MYO5B: variants seen among roughly 807,000 people sequenced by gnomAD.
MYO5B encodes unconventional myosin-Vb.
Under a neutral mutation model 229.3 loss-of-function variants are expected in MYO5B, and 143 were observed. The ratio of observed to expected loss-of-function variants is 0.62; its 90% CI spans 0.54 to 0.72. The LOEUF is 0.72. MYO5B is among the 30% of genes least tolerant of loss of function. The pLI, the probability that MYO5B is intolerant of heterozygous loss-of-function variation, is 0.00. For synonymous variants in MYO5B, 918 were observed against 885.2 expected (o/e 1.04, Z -0.66); for missense variants, 2,321 against 2,331.0 (o/e 1.00, Z 0.09).
chr18:49,956,719 A>G (rs1250619251), intron 12 of MYO5B, among the ~76,000 whole-genome samples: 1 of 152,188 alleles, frequency 6.6e-6, no homozygotes, highest in Non-Finnish European at 1.5e-5. Context: ...CAACGCAGAG[A>G]GACCACTGAG....
At chr18:49,990,340 C>A in intron 7 of MYO5B, 99 bp downstream of exon 7, 1 of 1,012,494 alleles carries the variant, frequency 9.9e-7, no homozygotes, top group Non-Finnish European at 1.5e-6. Context: ...AGAGCCGAGA[C>A]AAGAACCCAT....
chr18:49,841,871 C>G (rs917318914), intron 34 of MYO5B, among the ~76,000 whole-genome samples: 2 of 152,174 alleles, frequency 1.3e-5, no homozygotes, highest in Admixed American at 1.3e-4. Context: ...AAGAGCATAA[C>G]AGCAAAATAG....
At chr18:50,087,146 G>A (rs1021300491) in intron 1 of MYO5B, among the ~76,000 whole-genome samples, 1 of 152,172 alleles carries the variant, frequency 6.6e-6, no homozygotes, top group Non-Finnish European at 1.5e-5. Flanking sequence ...TCAGTATTCT[G>A]CAAGATACTT....
chr18:50,091,505 T>G (rs973219262), intron 1 of MYO5B, among the ~76,000 whole-genome samples: 1 of 152,192 alleles, frequency 6.6e-6, no homozygotes, highest in African/African-American at 2.4e-5. Flanking sequence ...CCCCGAATCC[T>G]TACAACCATC....
intron 24 of MYO5B, 92 bp from the exon 25 acceptor site, chr18:49,877,974 G>A: frequency 1.3e-6 from 2 of 1,494,430 alleles, no homozygotes; most frequent in Non-Finnish European, 1.9e-6. Flanking sequence ...TTATCCTTCT[G>A]CCTAATTTGT....
At chr18:50,096,016 G>T (rs1303321917) in intron 1 of MYO5B, among the ~76,000 whole-genome samples, 1 of 152,114 alleles carries the variant, frequency 6.6e-6, no homozygotes, top group Non-Finnish European at 1.5e-5. Context: ...TGCTACCAGG[G>T]CATTCTCCCA....
intron 14 of MYO5B, among the ~76,000 whole-genome samples, chr18:49,940,828 T>A (rs2025305437): frequency 6.6e-6 from 1 of 152,194 alleles, no homozygotes; most frequent in Admixed American, 6.5e-5. Flanking sequence ...CACCTGCACA[T>A]ACGTACAAGG....
intron 18 of MYO5B, among the ~76,000 whole-genome samples, chr18:49,906,941 G>C (rs2024906547): frequency 6.6e-6 from 1 of 152,190 alleles, no homozygotes. Flanking sequence ...AAAACAAACT[G>C]GTGGCTGGTG....
intron 1 of MYO5B, among the ~76,000 whole-genome samples, chr18:50,184,250 T>A (rs2033116072): frequency 6.6e-6 from 1 of 151,808 alleles, no homozygotes; most frequent in Non-Finnish European, 1.5e-5. Context: ...TGGGGCTGGG[T>A]GTGGTAGTGG....
intron 14 of MYO5B, among the ~76,000 whole-genome samples, chr18:49,943,570 A>G (rs2025339910): frequency 6.6e-6 from 1 of 152,218 alleles, no homozygotes; most frequent in Admixed American, 6.5e-5. Context: ...AGTAAATACT[A>G]GGTCACTGAC....
intron 2 of MYO5B, among the ~76,000 whole-genome samples, chr18:50,040,763 T>C (rs1412990917): frequency 6.6e-6 from 1 of 152,180 alleles, no homozygotes; most frequent in Non-Finnish European, 1.5e-5. Context: ...GGCCTCAAGT[T>C]GAACCATTTG....
chr18:50,115,747 C>T (rs2031950719), intron 1 of MYO5B, among the ~76,000 whole-genome samples: 1 of 149,576 alleles, frequency 6.7e-6, no homozygotes. Context: ...GATATCTGGC[C>T]TCATATGTTA....
At chr18:49,936,638 G>A (rs1021794859) in intron 15 of MYO5B, among the ~76,000 whole-genome samples, 1 of 152,078 alleles carries the variant, frequency 6.6e-6, no homozygotes, top group Non-Finnish European at 1.5e-5. Context: ...ATGAAAGGTG[G>A]GCAAATACTG....
chr18:50,096,103 A>G (rs2031544778), intron 1 of MYO5B, among the ~76,000 whole-genome samples: 1 of 152,178 alleles, frequency 6.6e-6, no homozygotes, highest in Non-Finnish European at 1.5e-5. Flanking sequence ...CAAATCATTT[A>G]CTGTCCAAAC....
In MYO5B at chr18:49,849,769, T is replaced by A. The variant is rs2024176308; in HGVS notation, c.4222-109A>T. ...GACCAGTGCGGCCCATGGGCAGCCG[T>A]CAGAAATGCGCCAGTCAGGGACGCT... On this transcript the variant is annotated intron_variant, in intron 31 of 39. Coordinates refer to ENST00000285039, the MANE Select transcript of MYO5B (RefSeq NM_001080467.3). The A allele has an allele frequency of 4.8e-6, 4 of 834,948 alleles. No homozygotes were observed. The East Asian group carries it at 9.7e-5, about 20-fold the overall frequency. The allele number at this position is 834,948 out of a possible 1,614,324, so 51.7% of individuals were successfully genotyped here.
chr18:49,977,087 A>G (rs148793723), intron 9 of MYO5B, among the ~76,000 whole-genome samples: 46 of 152,234 alleles, frequency 3.0e-4, no homozygotes, highest in African/African-American at 1.0e-3. Flanking sequence ...AGCACAAGTT[A>G]GAGACTTGTC....
intron 12 of MYO5B, among the ~76,000 whole-genome samples, chr18:49,957,142 C>CAAAAAAAAAAACAAAAAA (rs2025501817): frequency 1.7e-5 from 1 of 58,734 alleles, no homozygotes; most frequent in African/African-American, 7.9e-5. Context: ...AATAAAGTAG[C>CAAAAAAAAAAACAAAAAA]AAAAAAAAAA....
In MYO5B at chr18:49,864,171, G is replaced by A. The variant is rs375771273; in HGVS notation, c.3813C>T (p.Ala1271=). The A allele has an allele frequency of 3.7e-6, 6 of 1,611,296 alleles. No homozygotes were observed. The highest frequency in any genetic ancestry group is 1.1e-5 in the South Asian group (1 of 91,076). Residue 1271 remains alanine (A), a synonymous_variant, in exon 28 of 40, where the codon GCC becomes GCT. Coordinates refer to ENST00000285039, the MANE Select transcript of MYO5B (RefSeq NM_001080467.3). ...VLILRTQIVS[A]DQRRLAGRNA... ...TCCTGCCGGCGAGTCGCCGCTGGTC[G>A]GCGCTCACGATCTGGGTCCTGAGGA...
intron 22 of MYO5B, among the ~76,000 whole-genome samples, chr18:49,883,958 C>T (rs191187077): frequency 6.0e-4 from 92 of 152,232 alleles, no homozygotes; most frequent in African/African-American, 1.1e-3. Flanking sequence ...CAAAAATTAA[C>T]TCAAAATGCA....
Sources: gnomAD v4.1 joint callset for allele counts (sites outside exome capture counted in the v4.1 genomes callset) on GRCh38, gnomAD v4.1.1 for gene constraint, MANE v1.5 for transcripts, NCBI Gene and HGNC (gene_info 2026-07-23, HGNC 2026-07-21) for gene names.